AK9: variants seen among roughly 807,000 people sequenced by gnomAD.
AK9 encodes the protein adenylate kinase 9, also known as adenylate kinase domain containing 1.
Under a neutral mutation model 239.6 loss-of-function variants are expected in AK9, and 191 were observed. That is an observed-to-expected ratio of 0.80 (90% CI 0.71 to 0.90). The LOEUF is 0.90. AK9 is among the 40% of genes least tolerant of loss of function. The probability of loss-of-function intolerance (pLI) is 0.00; values close to 1 mark genes in which losing one functional copy is unlikely to be tolerated. For missense variants in AK9, 1,995 were observed against 2,214.7 expected (o/e 0.90, Z 1.99); for synonymous variants, 689 against 721.0 (o/e 0.96, Z 0.71).
intron 31 of AK9, 77 bp from the exon 32 acceptor site, chr6:109,514,514 ACAATTCGTGACATAAG>A: frequency 8.0e-7 from 1 of 1,249,030 alleles, no homozygotes; most frequent in Non-Finnish European, 1.1e-6. Flanking sequence ...TTTGAAAAAA[ACAATTCGTGACATAAG>A]AAAAAAAAAT....
chr6:109,564,803 G>A lies in AK9; in HGVS notation c.2387C>T (p.Pro796Leu), dbSNP rs1786253023. ...TTCCAGGCCCTCTTTGGATCCTTTT[G>A]GGATTTCTGTTTCCACTGTAGTTTC... is the stretch of plus-strand genomic sequence containing the variant. Reference protein sequence around the residue: ...IEETTVETEIPKGSKEGLEIE... With the variant: ...IEETTVETEILKGSKEGLEIE... Residue 796 changes from proline to leucine, a missense_variant, in exon 22 of 41, where the codon CCA (proline) becomes CTA (leucine). Coordinates refer to ENST00000424296, the MANE Select transcript of AK9 (RefSeq NM_001145128.3). 2 of 1,544,934 alleles carry A rather than the reference G, an allele frequency of 1.3e-6. No individual in the cohort carries two copies. Among genetic ancestry groups the A allele is most frequent in the Non-Finnish European group, 1.7e-6 (2 of 1,143,914 alleles).
intron 10 of AK9, among the ~76,000 whole-genome samples, chr6:109,639,966 T>C (rs537333667): frequency 6.6e-6 from 1 of 152,308 alleles, no homozygotes; most frequent in African/African-American, 2.4e-5. Flanking sequence ...TGTAGATGTG[T>C]GATGTTATTT....
At chr6:109,666,726 T>C (rs1175971840) in intron 5 of AK9, among the ~76,000 whole-genome samples, 1 of 152,228 alleles carries the variant, frequency 6.6e-6, no homozygotes, top group African/African-American at 2.4e-5. Flanking sequence ...ATTGAAGTGA[T>C]GACAGATTCA....
intron 32 of AK9, 44 bp downstream of exon 32, chr6:109,514,180 G>A (rs879208862): frequency 4.5e-5 from 68 of 1,507,054 alleles, no homozygotes; most frequent in Admixed American, 8.4e-5. Context: ...GGTACAAGCA[G>A]ATTCTTTTAT....
chr6:109,610,383 T>C lies in AK9; in HGVS notation c.1824A>G (p.Leu608=), dbSNP rs1427490493. The stretch of plus-strand genomic sequence containing the variant: ...TTTTTACCTCTCCAAGGACTTCCTG[T>C]AAGATTTCAGCATGTTTTTCATATG... ...EQPYEKHAEI[L]QEVLGEVMEE... is the part of the protein sequence containing the mutation. The change falls in exon 17 of 41, where the codon TTA becomes TTG. Residue 608 remains leucine, a synonymous_variant. Coordinates refer to ENST00000424296, the MANE Select transcript of AK9 (RefSeq NM_001145128.3). 1.9e-6 allele frequency: 3 copies of C among 1,551,502 alleles called. No individual in the cohort carries two copies. In the African/African-American group the frequency reaches 4.1e-5, roughly 21 times the overall value.
chr6:109,613,425 AT>A lies in AK9; in HGVS notation c.1609+757del, dbSNP rs1373318281. Among the ~76,000 whole-genome samples the A allele has an allele frequency of 2.0e-5, 3 of 151,960 alleles. No individual in the cohort carries two copies. The East Asian group carries it at 5.8e-4, about 29-fold the overall frequency. On this transcript the variant is annotated intron_variant, in intron 15 of 40. Coordinates refer to ENST00000424296, the MANE Select transcript of AK9 (RefSeq NM_001145128.3). ...ATGAATATAAATTTCTGAAGTAAAA[AT>A]TAAAACAACAGAAAATACTGAGGAA... is the stretch of plus-strand genomic sequence containing the variant.
At chr6:109,495,308 C>G in intron 39 of AK9, 30 bp downstream of exon 39, 2 of 1,516,592 alleles carry the variant, frequency 1.3e-6, no homozygotes, top group Non-Finnish European at 1.8e-6. Context: ...ATTCTTCTAA[C>G]ATATATAACA....
intron 36 of AK9, 115 bp downstream of exon 36, chr6:109,498,929 C>G: frequency 1.2e-6 from 1 of 851,906 alleles, no homozygotes; most frequent in East Asian, 3.1e-5. Flanking sequence ...TCACAAGTTC[C>G]AGTAATGGGG....
At chr6:109,518,796 T>C (rs150805426) in intron 29 of AK9, among the ~76,000 whole-genome samples, 1 of 152,274 alleles carries the variant, frequency 6.6e-6, no homozygotes, top group East Asian at 1.9e-4. Context: ...TCTCAATTTT[T>C]TTTCAATGAA....
intron 16 of AK9, among the ~76,000 whole-genome samples, chr6:109,611,791 C>A (rs569164425): frequency 2.0e-5 from 3 of 152,196 alleles, no homozygotes; most frequent in Admixed American, 2.0e-4. Flanking sequence ...GTCTTCCCAA[C>A]ATTCTTTTTC....
chr6:109,586,934 A>G (rs932573903), intron 17 of AK9, among the ~76,000 whole-genome samples: 15 of 152,014 alleles, frequency 9.9e-5, no homozygotes, highest in African/African-American at 3.4e-4. Flanking sequence ...GAGGGCCAAT[A>G]TTACCCTCTT....
Position 109,533,485 on chromosome 6 carries a change from C to A in AK9, c.3351-15G>T. ...AACCTGTGGAACTGGTGGAAATTTTCATAATTTACTTTATTTCATTAAAAT... is the reference window on the plus strand; with the variant it reads ...AACCTGTGGAACTGGTGGAAATTTTAATAATTTACTTTATTTCATTAAAAT... On this transcript the variant is annotated splice_polypyrimidine_tract_variant and intron_variant, in intron 27 of 40. Coordinates refer to ENST00000424296, the MANE Select transcript of AK9 (RefSeq NM_001145128.3). The A allele has an allele frequency of 6.4e-7, 1 of 1,553,036 alleles. No individual in the cohort carries two copies. Among genetic ancestry groups the A allele is most frequent in the Non-Finnish European group, 8.7e-7 (1 of 1,152,072 alleles).
intron 19 of AK9, among the ~76,000 whole-genome samples, chr6:109,580,091 A>G (rs1788632836): frequency 6.6e-6 from 1 of 152,218 alleles, no homozygotes; most frequent in Non-Finnish European, 1.5e-5. Flanking sequence ...GGATGATGGC[A>G]TATAAGTGTT....
rs139709006 is a variant in AK9 at position 109,592,698 on chromosome 6, G to A, written c.1843-6626C>T. Among the ~76,000 whole-genome samples the A allele has an allele frequency of 4.2e-3, 631 of 152,020 alleles. 8 individuals carry two copies. The highest frequency in any genetic ancestry group is 0.014 in the African/African-American group (577 of 41,492). On this transcript the variant is annotated intron_variant, in intron 17 of 40. Coordinates refer to ENST00000424296, the MANE Select transcript of AK9 (RefSeq NM_001145128.3). ...CCTGACCTCATGATCCGCCCGCCTC[G>A]GCCTTCAAAAGTGCTGGTTTTACAG...
chr6:109,577,615 C>G (rs778782404), intron 20 of AK9, among the ~76,000 whole-genome samples: 1 of 151,902 alleles, frequency 6.6e-6, no homozygotes, highest in Non-Finnish European at 1.5e-5. Flanking sequence ...GGTCCTGGAC[C>G]TTTTCTTGTT....
chr6:109,563,532 C>T, intron 24 of AK9, 65 bp downstream of exon 24: 1 of 1,523,362 alleles, frequency 6.6e-7, no homozygotes, highest in South Asian at 1.2e-5. Context: ...TGATAGTTAC[C>T]ACTCTTATTT....
chr6:109,563,257 A>G (rs2128182768), intron 24 of AK9, among the ~76,000 whole-genome samples: 1 of 152,300 alleles, frequency 6.6e-6, no homozygotes, highest in East Asian at 1.9e-4. Flanking sequence ...GGGCCTGAAT[A>G]TGGGTTACTC....
chr6:109,612,473 A>G (rs1562493249), intron 15 of AK9, among the ~76,000 whole-genome samples: 2 of 152,138 alleles, frequency 1.3e-5, no homozygotes, highest in African/African-American at 4.8e-5. Context: ...CCAGCAGTGG[A>G]TAGAGGTGCT....
chr6:109,541,231 T>C (rs1478205918), intron 27 of AK9, among the ~76,000 whole-genome samples: 1 of 152,028 alleles, frequency 6.6e-6, no homozygotes, highest in Non-Finnish European at 1.5e-5. Context: ...ATGGAAAAAA[T>C]AGAGAAAGGC....
Sources: gnomAD v4.1 joint callset for allele counts (sites outside exome capture counted in the v4.1 genomes callset) on GRCh38, gnomAD v4.1.1 for gene constraint, MANE v1.5 for transcripts, NCBI Gene and HGNC (gene_info 2026-07-23, HGNC 2026-07-21) for gene names.